The following GOLGB1 variants were observed in gnomAD, a reference collection of about 807,000 sequenced individuals.
GOLGB1 encodes the protein golgin subfamily B member 1.
In GOLGB1, 174 loss-of-function variants were observed where a neutral mutation model predicts 336.9. The ratio of observed to expected loss-of-function variants is 0.52; its 90% CI spans 0.46 to 0.59. The LOEUF (loss-of-function observed/expected upper bound fraction) is 0.59. GOLGB1 is among the 20% of genes least tolerant of loss of function. GOLGB1 has a pLI of 0.00. For missense variants in GOLGB1, 3,331 were observed against 3,645.3 expected (o/e 0.91, Z 2.22); for synonymous variants, 1,208 against 1,289.2 (o/e 0.94, Z 1.35).
At position 121,692,496 on chromosome 3, in the gene GOLGB1, C is replaced by T. The variant is rs1343206492; in HGVS notation, c.6868G>A (p.Glu2290Lys). ...AGCTGGGACAAAAGTTCTTTGTTTTCCCCCTGTAGAGTATCACAGACCTTC... is the reference window on the plus strand; with the variant it reads ...AGCTGGGACAAAAGTTCTTTGTTTTTCCCCTGTAGAGTATCACAGACCTTC... ...QQKVCDTLQGENKELLSQLEE... is the reference protein window; with the variant it reads ...QQKVCDTLQGKNKELLSQLEE... The change falls in exon 14 of 22, where the codon GAA becomes AAA. Residue 2290 changes from glutamate to lysine, a missense_variant. Physicochemically the swap from Glu to Lys is moderately conservative, Grantham distance 56. Coordinates refer to ENST00000614479, the MANE Select transcript of GOLGB1 (RefSeq NM_001366282.2). 2 of 1,613,808 alleles carry T rather than the reference C, an allele frequency of 1.2e-6. No individual in the cohort carries two copies. The highest frequency in any genetic ancestry group is 1.1e-5 in the South Asian group (1 of 91,040).
intron 9 of GOLGB1, among the ~76,000 whole-genome samples, chr3:121,716,018 C>A (rs1173110646): frequency 6.6e-6 from 1 of 151,308 alleles, no homozygotes; most frequent in Non-Finnish European, 1.5e-5. Context: ...AAAAACAAAA[C>A]TGTCTGGCTA....
At chr3:121,728,843 T>C (rs142394673) in intron 4 of GOLGB1, among the ~76,000 whole-genome samples, 6 of 152,306 alleles carry the variant, frequency 3.9e-5, no homozygotes, top group Admixed American at 3.9e-4. Context: ...TTAGAGATAA[T>C]CTAGTTTAAT....
Position 121,698,676 on chromosome 3 carries a change from A to G in GOLGB1, c.1847T>C (p.Met616Thr). ...CCCTGTATCTTCAAGAAATACTTTCATTTTAATTGGAGCTATTCCCTCACC... is the reference window on the plus strand; with the variant it reads ...CCCTGTATCTTCAAGAAATACTTTCGTTTTAATTGGAGCTATTCCCTCACC... Reference protein sequence around the residue: ...MEGEGIAPIKMKVFLEDTGQD... With the variant: ...MEGEGIAPIKTKVFLEDTGQD... Residue 616 changes from methionine (M) to threonine (T), a missense_variant, in exon 13 of 22, where the codon ATG becomes ACG. Transcript: ENST00000614479. 1.2e-6 allele frequency: 2 copies of G among 1,613,932 alleles called. No homozygotes were observed. Among genetic ancestry groups the G allele is most frequent in the Non-Finnish European group, 1.7e-6 (2 of 1,179,872 alleles).
chr3:121,695,632 T>G lies in GOLGB1; in HGVS notation c.4891A>C (p.Ser1631Arg), dbSNP rs766575821. Reference protein sequence around the residue: ...EILLQSYENVSNEAERIQHVV... With the variant: ...EILLQSYENVRNEAERIQHVV... Reference sequence around the variant, plus strand: ...TGCTGAATCCTTTCTGCTTCATTACTAACATTCTCATAGGACTGCAGAAGA... The same window carrying G: ...TGCTGAATCCTTTCTGCTTCATTACGAACATTCTCATAGGACTGCAGAAGA... The change falls in exon 13 of 22, where the codon AGT becomes CGT. Residue 1631 changes from serine to arginine, a missense_variant. Transcript: ENST00000614479. 1 of 1,613,742 alleles carries G rather than the reference T, an allele frequency of 6.2e-7. No individual in the cohort carries two copies. The highest frequency in any genetic ancestry group is 8.5e-7 in the Non-Finnish European group (1 of 1,179,896).
At chr3:121,749,044 G>T in intron 1 of GOLGB1, 1 of 318,094 alleles carries the variant, frequency 3.1e-6, no homozygotes, top group Non-Finnish European at 4.5e-6. Context: ...TGACGGGATC[G>T]TTGGGATCTT....
At chr3:121,665,619 G>A (rs1938506547) in intron 20 of GOLGB1, among the ~76,000 whole-genome samples, 1 of 152,170 alleles carries the variant, frequency 6.6e-6, no homozygotes, top group African/African-American at 2.4e-5. Context: ...TTGCTGATTT[G>A]CTTATTTAAT....
At chr3:121,723,592 T>A (rs1437988255) in intron 5 of GOLGB1, among the ~76,000 whole-genome samples, 4 of 152,216 alleles carry the variant, frequency 2.6e-5, no homozygotes, top group African/African-American at 9.6e-5. Flanking sequence ...TAAGTAGTAT[T>A]CCAGTGTGTG....
chr3:121,748,977 T>C, intron 1 of GOLGB1: 1 of 965,294 alleles, frequency 1.0e-6, no homozygotes, highest in Non-Finnish European at 1.2e-6. Flanking sequence ...AGAACTCTCT[T>C]AGAGGTTCCT....
chr3:121,734,572 AAGAT>A (rs1381332401), intron 1 of GOLGB1, among the ~76,000 whole-genome samples: 2 of 152,192 alleles, frequency 1.3e-5, no homozygotes, highest in African/African-American at 4.8e-5. Context: ...TTCACCAAAG[AAGAT>A]AGATGGATGG....
intron 1 of GOLGB1, among the ~76,000 whole-genome samples, chr3:121,745,424 A>G (rs1458599521): frequency 1.3e-5 from 1 of 77,520 alleles, no homozygotes; most frequent in African/African-American, 5.5e-5. Flanking sequence ...ACATATGTAC[A>G]CGTGTATGTA....
At chr3:121,737,958 C>T (rs1173888076) in intron 1 of GOLGB1, among the ~76,000 whole-genome samples, 1 of 152,140 alleles carries the variant, frequency 6.6e-6, no homozygotes, top group Non-Finnish European at 1.5e-5. Flanking sequence ...AAGGGCAACA[C>T]AGTGTCATAC....
intron 20 of GOLGB1, among the ~76,000 whole-genome samples, chr3:121,666,909 T>C (rs573338557): frequency 2.6e-4 from 40 of 152,318 alleles, no homozygotes; most frequent in African/African-American, 9.6e-4. Flanking sequence ...AAACTGCTCA[T>C]AGGAAGCACA....
rs889323894 is a variant in GOLGB1, at chr3:121,695,884, C to T, written c.4639G>A (p.Ala1547Thr). ...TTGTCTCTTTCTTCTTGAAGAAGAG[C>T]TAACCTTCCTAAGACCGTATCTTTT... is the stretch of plus-strand genomic sequence containing the variant. Reference protein sequence around the residue: ...KEKDTVLGRLALLQEERDKLI... With the variant: ...KEKDTVLGRLTLLQEERDKLI... Residue 1547 changes from alanine to threonine, a missense_variant, in exon 13 of 22, where the codon GCT (alanine) becomes ACT (threonine). By Grantham distance (58) the Ala-to-Thr change is moderately conservative. Coordinates refer to ENST00000614479, the MANE Select transcript of GOLGB1 (RefSeq NM_001366282.2). 4 of 1,613,818 alleles carry T rather than the reference C, an allele frequency of 2.5e-6. No homozygotes were observed. Among genetic ancestry groups the T allele is most frequent in the Non-Finnish European group, 3.4e-6 (4 of 1,179,718 alleles).
chr3:121,734,392 G>GAAAAAAAA (rs34906801), intron 1 of GOLGB1, among the ~76,000 whole-genome samples: 1 of 107,252 alleles, frequency 9.3e-6, no homozygotes. Context: ...TCTGTCTCGG[G>GAAAAAAAA]AAAAAAAAAA....
At chr3:121,716,091 A>G (rs1026467041) in intron 9 of GOLGB1, among the ~76,000 whole-genome samples, 1 of 152,154 alleles carries the variant, frequency 6.6e-6, no homozygotes, top group Non-Finnish European at 1.5e-5. Flanking sequence ...CTTTATGTCT[A>G]TGTCAATATA....
chr3:121,705,658 C>T (rs1222290233), intron 10 of GOLGB1, among the ~76,000 whole-genome samples: 13 of 152,092 alleles, frequency 8.5e-5, no homozygotes, highest in Non-Finnish European at 1.9e-4. Flanking sequence ...GAAAAAGTCA[C>T]GTAAAGAGAA....
intron 12 of GOLGB1, 144 bp downstream of exon 12, chr3:121,699,668 C>T (rs1943230362): frequency 2.1e-6 from 1 of 471,678 alleles, no homozygotes; most frequent in East Asian, 3.1e-5. Context: ...ATATAATAAC[C>T]ATTATGAATC....
chr3:121,668,232 C>T (rs1193963577), intron 18 of GOLGB1, 74 bp from the exon 19 acceptor site: 8 of 822,286 alleles, frequency 9.7e-6, no homozygotes, highest in East Asian at 5.2e-5. Flanking sequence ...AATGAGAGCT[C>T]GTTTACAGAG....
chr3:121,719,680 ACTAAC>A lies in GOLGB1; in HGVS notation c.732_736del (p.Gln244HisfsTer22). 1 of 1,611,094 alleles carries A rather than the reference ACTAAC, an allele frequency of 6.2e-7. No homozygotes were observed. Among genetic ancestry groups the A allele is most frequent in the Non-Finnish European group, 8.5e-7 (1 of 1,178,480 alleles). On this transcript the variant is annotated frameshift_variant, in exon 7 of 22. Coordinates refer to ENST00000614479, the MANE Select transcript of GOLGB1 (RefSeq NM_001366282.2). LOFTEE classifies it high-confidence loss of function. ...CTCTGTTTCCACATCTGCCTGGGTT[ACTAAC>A]TGAAGAAGCTCATCTTCATGAAGAC...
Sources: gnomAD v4.1 joint callset for allele counts (sites outside exome capture counted in the v4.1 genomes callset) on GRCh38, gnomAD v4.1.1 for gene constraint, MANE v1.5 for transcripts, NCBI Gene and HGNC (gene_info 2026-07-23, HGNC 2026-07-21) for gene names.